WDR47: variants seen among roughly 807,000 people sequenced by gnomAD.
The protein encoded by WDR47 is WD repeat domain 47, also known as WD repeat-containing protein 47.
WDR47 carries 32 observed loss-of-function variants against 97.2 expected under a neutral mutation model. The observed-to-expected ratio is 0.33, with a 90% CI of 0.25 to 0.44. The LOEUF is 0.44. Among genes scored for constraint, WDR47 ranks in the 20% least tolerant of loss-of-function variants. WDR47 has a pLI of 1.00. For missense variants in WDR47, 782 were observed against 1,102.3 expected (o/e 0.71, Z 4.11); for synonymous variants, 375 against 373.5 (o/e 1.00, Z -0.05).
chr1:109,000,968 T>C (rs1660138723), intron 7 of WDR47, among the ~76,000 whole-genome samples: 1 of 152,122 alleles, frequency 6.6e-6, no homozygotes, highest in East Asian at 1.9e-4. Flanking sequence ...TCATTGCTTA[T>C]TTAAATATAT....
chr1:109,007,396 A>T (rs1435255611), intron 5 of WDR47, among the ~76,000 whole-genome samples: 1 of 152,088 alleles, frequency 6.6e-6, no homozygotes, highest in East Asian at 1.9e-4. Context: ...CCTAGCCTCA[A>T]GCAATCCTCC....
rs1481192544 is a variant in WDR47 at position 108,986,679 on chromosome 1, T to A, written c.1769A>T (p.Asp590Val). 3 of 1,563,640 alleles carry A rather than the reference T, an allele frequency of 1.9e-6. No homozygotes were observed. Among genetic ancestry groups the A allele is most frequent in the Non-Finnish European group, 2.6e-6 (3 of 1,161,610 alleles). Residue 590 changes from aspartate to valine, a missense_variant and splice_region_variant, in exon 10 of 15, where the codon GAT (aspartate) becomes GTT (valine). Asp to Val is a radical substitution (Grantham distance 152). Around this residue, in one of 3 missense-constraint regions of WDR47, gnomAD observed 126 missense variants for 121.3 expected, o/e 1.04. Transcript: ENST00000369962. ...GSLSRSKGEE[D>V]DKSKKQFVCI... ...AACAAACTGCTTTTTTGATTTGTCA[T>A]CCTATGGAAAGAATGAATATTAGTT...
At chr1:108,989,830 G>A (rs533339113) in intron 9 of WDR47, among the ~76,000 whole-genome samples, 2 of 151,642 alleles carry the variant, frequency 1.3e-5, no homozygotes, top group Non-Finnish European at 2.9e-5. Context: ...AAGTAGCTGG[G>A]ATTACAGGCA....
chr1:108,978,111 T>G (rs1658060468), intron 13 of WDR47, among the ~76,000 whole-genome samples: 1 of 152,006 alleles, frequency 6.6e-6, no homozygotes, highest in Non-Finnish European at 1.5e-5. Context: ...GAATGCATTT[T>G]AATTTCTACA....
In WDR47 at chr1:108,998,351, A is replaced by C. The variant is rs193043771; in HGVS notation, c.1434-2514T>G. ...AACCTCGTCTTTACTAAAAATACAAAAATTAGCCAGGCATGGTGGTGGACA... is the reference window on the plus strand; with the variant it reads ...AACCTCGTCTTTACTAAAAATACAACAATTAGCCAGGCATGGTGGTGGACA... On this transcript the variant is annotated intron_variant, in intron 7 of 14. Transcript: ENST00000369962. Among the ~76,000 whole-genome samples the C allele has an allele frequency of 6.6e-5, 10 of 152,066 alleles. No homozygotes were observed. In the East Asian group the frequency reaches 1.7e-3, roughly 27 times the overall value.
chr1:108,971,612 A>C (rs1042871315), intron 14 of WDR47, 40 bp from the exon 15 acceptor site: 1 of 1,611,664 alleles, frequency 6.2e-7, no homozygotes, highest in African/African-American at 1.3e-5. Flanking sequence ...ATGCAAAATA[A>C]GTATATGTAT....
At chr1:109,027,349 C>T (rs766553141) in intron 1 of WDR47, among the ~76,000 whole-genome samples, 1 of 152,036 alleles carries the variant, frequency 6.6e-6, no homozygotes, top group Non-Finnish European at 1.5e-5. Flanking sequence ...AGCCACCAAG[C>T]CTGGCCCAGA....
chr1:109,009,577 C>A (rs1047867984), intron 5 of WDR47, among the ~76,000 whole-genome samples: 2 of 152,072 alleles, frequency 1.3e-5, no homozygotes, highest in African/African-American at 4.8e-5. Context: ...CAATGAAATA[C>A]TGCATATATT....
intron 10 of WDR47, among the ~76,000 whole-genome samples, chr1:108,984,490 T>A (rs992735193): frequency 2.0e-5 from 3 of 152,230 alleles, no homozygotes; most frequent in African/African-American, 7.2e-5. Flanking sequence ...TTCAGCATAC[T>A]AGTCTACTTT....
chr1:109,025,959 TATC>T (rs1478674927), intron 1 of WDR47, among the ~76,000 whole-genome samples: 1 of 152,146 alleles, frequency 6.6e-6, no homozygotes, highest in Non-Finnish European at 1.5e-5. Flanking sequence ...TTCCCTTTCC[TATC>T]TTCTGAGCTG....
Position 109,002,248 on chromosome 1 carries a change from T to C in WDR47, c.1409A>G (p.Asn470Ser). The C allele has an allele frequency of 6.2e-6, 10 of 1,603,464 alleles. No homozygotes were observed. Among genetic ancestry groups the C allele is most frequent in the Non-Finnish European group, 7.6e-6 (9 of 1,177,706 alleles). ...NQEDGPDQQQNLTEQFLNRSI... is the reference protein window; with the variant it reads ...NQEDGPDQQQSLTEQFLNRSI... ...CCTATTAAGGAACTGTTCAGTAAGATTCTGCTGCTGATCAGGACCATCCTC... is the reference window on the plus strand; with the variant it reads ...CCTATTAAGGAACTGTTCAGTAAGACTCTGCTGCTGATCAGGACCATCCTC... Residue 470 changes from asparagine to serine, a missense_variant, in exon 7 of 15, where the codon AAT becomes AGT. Coordinates refer to ENST00000369962, the MANE Select transcript of WDR47 (RefSeq NM_001142551.2).
intron 13 of WDR47, among the ~76,000 whole-genome samples, chr1:108,977,977 ACTCT>A (rs1224739742): frequency 7.4e-6 from 1 of 135,362 alleles, no homozygotes; most frequent in Non-Finnish European, 1.6e-5. Flanking sequence ...AAAGCGAAAC[ACTCT>A]CTCAAAAAAA....
At chr1:108,986,490 G>A in intron 10 of WDR47, 33 bp downstream of exon 10, 2 of 1,553,532 alleles carry the variant, frequency 1.3e-6, no homozygotes, top group Non-Finnish European at 1.7e-6. Flanking sequence ...AAAAACTAAG[G>A]TAAGAATGGC....
At chr1:109,011,764 G>A in intron 4 of WDR47, 46 bp from the exon 5 acceptor site, 1 of 1,497,406 alleles carries the variant, frequency 6.7e-7, no homozygotes, top group Non-Finnish European at 9.0e-7. Flanking sequence ...TAAAAAACAT[G>A]CTATGAAATA....
intron 5 of WDR47, among the ~76,000 whole-genome samples, chr1:109,009,426 T>C (rs1172422493): frequency 6.6e-6 from 1 of 152,182 alleles, no homozygotes; most frequent in Non-Finnish European, 1.5e-5. Context: ...TTCATATGTA[T>C]AAGAATCACT....
At chr1:108,978,786 C>G (rs1658122176) in intron 13 of WDR47, among the ~76,000 whole-genome samples, 1 of 152,082 alleles carries the variant, frequency 6.6e-6, no homozygotes, top group Non-Finnish European at 1.5e-5. Flanking sequence ...AGAGCTGAAG[C>G]AAAATTAGGA....
chr1:109,013,038 G>T (rs772858752), intron 4 of WDR47, among the ~76,000 whole-genome samples: 9 of 152,236 alleles, frequency 5.9e-5, no homozygotes, highest in Non-Finnish European at 1.3e-4. Context: ...TTTGGGAGGT[G>T]ACTAGGTCAT....
At chr1:108,996,874 T>A (rs985117151) in intron 7 of WDR47, among the ~76,000 whole-genome samples, 1 of 152,096 alleles carries the variant, frequency 6.6e-6, no homozygotes, top group African/African-American at 2.4e-5. Flanking sequence ...TCCCAGCACT[T>A]TGGGAGGCTG....
intron 1 of WDR47, among the ~76,000 whole-genome samples, chr1:109,037,204 C>T (rs1356086212): frequency 6.6e-6 from 1 of 151,910 alleles, no homozygotes; most frequent in Non-Finnish European, 1.5e-5. Context: ...TGGCACATGC[C>T]GGTAATCCCA....
Sources: allele counts gnomAD v4.1 joint callset (sites outside exome capture counted in the v4.1 genomes callset), GRCh38; gene constraint gnomAD v4.1.1; regional missense constraint gnomAD v4.1.1; transcripts MANE v1.5; gene names NCBI Gene and HGNC (gene_info 2026-07-23, HGNC 2026-07-21).